MED12L: variants seen among roughly 807,000 people sequenced by gnomAD.
MED12L encodes mediator complex subunit 12L.
Under a neutral mutation model 281.3 loss-of-function variants are expected in MED12L, and 60 were observed. The observed-to-expected ratio is 0.21, with a 90% confidence interval of 0.17 to 0.26. The LOEUF (loss-of-function observed/expected upper bound fraction) is 0.26. Among genes scored for constraint, MED12L ranks in the 10% least tolerant of loss-of-function variants. The probability of loss-of-function intolerance (pLI) is 1.00; values close to 1 mark genes in which losing one functional copy is unlikely to be tolerated. For synonymous variants in MED12L, 974 were observed against 987.2 expected, an observed-to-expected ratio of 0.99 and a Z score of 0.25; for missense variants, 2,146 against 2,680.9, an observed-to-expected ratio of 0.80 and a Z score of 4.41.
At chr3:151,156,442 C>A in intron 6 of MED12L, 112 bp downstream of exon 6, 1 of 995,322 alleles carries the variant, frequency 1.0e-6, no homozygotes, top group Non-Finnish European at 1.4e-6. Context: ...CCAATACATT[C>A]AAAGAAAGCA....
At chr3:151,163,739 G>A (rs1720308485) in intron 8 of MED12L, among the ~76,000 whole-genome samples, 154 bp from the exon 9 acceptor site, 1 of 152,104 alleles carries the variant, frequency 6.6e-6, no homozygotes, top group Non-Finnish European at 1.5e-5. Context: ...CTTCTCAATT[G>A]CGAAGTTGAG....
At position 151,434,420 on chromosome 3, in the gene MED12L, C is replaced by T. The variant is rs1261638400; in HGVS notation, c.*1616C>T. 6.6e-6 allele frequency: 1 copy of T among 152,198 alleles called. No homozygotes were observed. Among genetic ancestry groups the T allele is most frequent in the Admixed American group, 6.5e-5 (1 of 15,276 alleles). The allele number at this position is 152,198 out of a possible 1,614,324, so 9.4% of individuals were successfully genotyped here. On this transcript the variant is annotated 3_prime_UTR_variant, in exon 45 of 45. Coordinates refer to ENST00000687756, the MANE Select transcript of MED12L (RefSeq NM_001393769.1). ...CTTTGTACACTGTGAAAATATTTCACTCCAGCCTGCCCATTTTGTGTTTAC... is the reference window on the plus strand; with the variant it reads ...CTTTGTACACTGTGAAAATATTTCATTCCAGCCTGCCCATTTTGTGTTTAC...
chr3:151,199,638 C>G (rs992488870), intron 16 of MED12L, among the ~76,000 whole-genome samples: 2 of 151,136 alleles, frequency 1.3e-5, no homozygotes, highest in Admixed American at 6.6e-5. Flanking sequence ...TTGTGACTTT[C>G]AGGAAATCCC....
rs370080415 is a variant in MED12L, at chr3:151,306,873, T to C, written c.2251-43186T>C. ...TGACTTAGTGTTTGGTAGTGGTGGT[T>C]CTCAAATGACAGAGTTATAATATCA... is the stretch of plus-strand genomic sequence containing the variant. On this transcript the variant is annotated intron_variant, in intron 16 of 44. Coordinates refer to ENST00000687756, the MANE Select transcript of MED12L (RefSeq NM_001393769.1). Among the ~76,000 whole-genome samples the C allele has an allele frequency of 6.5e-4, 99 of 152,332 alleles. 1 individual carries two copies. The highest frequency in any genetic ancestry group is 2.3e-3 in the African/African-American group (97 of 41,576).
At chr3:151,128,169 A>G (rs1443535977) in intron 5 of MED12L, among the ~76,000 whole-genome samples, 185 bp downstream of exon 5, 2 of 152,184 alleles carry the variant, frequency 1.3e-5, no homozygotes, top group South Asian at 4.1e-4. Flanking sequence ...TGACTCCATT[A>G]GCAAGGGCTG....
At position 151,376,841 on chromosome 3, in the gene MED12L, C is replaced by G; in HGVS notation, c.4095C>G (p.Leu1365=). ...QWTLRQSWLE[L]QLMIKQCLKD... is the part of the protein sequence containing the mutation. ...CACTGAGGCAATCCTGGTTAGAACT[C>G]CAGCTAATGATCAAACAGTGCTTGA... Residue 1365 remains leucine (L), a synonymous_variant, in exon 29 of 45, where the codon CTC becomes CTG. Coordinates refer to ENST00000687756, the MANE Select transcript of MED12L (RefSeq NM_001393769.1). The G allele has an allele frequency of 3.1e-6, 5 of 1,613,984 alleles. No homozygotes were observed. Among genetic ancestry groups the G allele is most frequent in the Non-Finnish European group, 4.2e-6 (5 of 1,179,948 alleles).
In MED12L at chr3:151,411,475, G is replaced by A. The variant is rs757492498; in HGVS notation, c.6108G>A (p.Ser2036=). Residue 2036 remains serine (S), a synonymous_variant, in exon 41 of 45, where the codon TCG becomes TCA. Transcript: ENST00000687756. ...GTGGCTATGTTCAGCAGCAGGCCTCGCCGTACCTGCAGCCCCTGACTGGCT... is the reference window on the plus strand; with the variant it reads ...GTGGCTATGTTCAGCAGCAGGCCTCACCGTACCTGCAGCCCCTGACTGGCT... ...QPSGYVQQQA[S]PYLQPLTGSQ... The A allele has an allele frequency of 1.2e-5, 19 of 1,614,188 alleles. No individual in the cohort carries two copies. Among genetic ancestry groups the A allele is most frequent in the African/African-American group, 4.0e-5 (3 of 75,044 alleles).
intron 25 of MED12L, among the ~76,000 whole-genome samples, chr3:151,368,683 TC>T (rs1755720374): frequency 0.012 from 566 of 47,996 alleles, 6 homozygotes; most frequent in Non-Finnish European, 0.016. Flanking sequence ...TCATGTCATT[TC>T]ATTTTATTTC....
intron 16 of MED12L, among the ~76,000 whole-genome samples, chr3:151,225,219 C>G (rs75166985): frequency 0.19 from 28,712 of 152,092 alleles, 3,004 homozygotes; most frequent in South Asian, 0.3. Flanking sequence ...TTGCTGTTCT[C>G]TCTCTGTAAT....
At chr3:151,133,480 T>C (rs1384502220) in intron 5 of MED12L, among the ~76,000 whole-genome samples, 1 of 152,170 alleles carries the variant, frequency 6.6e-6, no homozygotes, top group African/African-American at 2.4e-5. Flanking sequence ...CATGTGTAAC[T>C]TCAAAGTGGG....
chr3:151,384,714 G>A (rs1440169470), intron 35 of MED12L: 2 of 250,740 alleles, frequency 8.0e-6, no homozygotes, highest in East Asian at 2.1e-4. Context: ...CCCTGGACAT[G>A]AGAAAGTGTT....
At chr3:151,294,254 A>G (rs775412509) in intron 16 of MED12L, 1 of 1,613,884 alleles carries the variant, frequency 6.2e-7, no homozygotes, top group Non-Finnish European at 8.5e-7. Context: ...CCTGGTTCTG[A>G]TATTTGATTT....
In MED12L at chr3:151,361,826, C is replaced by G. The variant is rs562490658; in HGVS notation, c.2957+1221C>G. 7.2e-5 allele frequency among the ~76,000 whole-genome samples: 11 copies of G among 152,232 alleles called. No homozygotes were observed. The South Asian group carries it at 2.3e-3, about 32-fold the overall frequency. On this transcript the variant is annotated intron_variant, in intron 21 of 44. Coordinates refer to ENST00000687756, the MANE Select transcript of MED12L (RefSeq NM_001393769.1). ...TCTGCTTCCATGGCCATTCCTACTT[C>G]AAATAGCATCCCCAACTTCCTGTCA... is the stretch of plus-strand genomic sequence containing the variant.
At chr3:151,325,395 A>C (rs550741625) in intron 16 of MED12L, among the ~76,000 whole-genome samples, 1 of 152,280 alleles carries the variant, frequency 6.6e-6, no homozygotes, top group African/African-American at 2.4e-5. Flanking sequence ...CTGAGCTCAC[A>C]TATTCTATCA....
intron 5 of MED12L, among the ~76,000 whole-genome samples, chr3:151,134,195 T>G (rs563514693): frequency 3.9e-5 from 6 of 151,950 alleles, no homozygotes; most frequent in Admixed American, 3.9e-4. Context: ...GTTGTTTTTT[T>G]TTTTTTTTTG....
intron 16 of MED12L, among the ~76,000 whole-genome samples, chr3:151,237,350 CTTTT>C (rs57239604): frequency 1.1e-5 from 1 of 94,602 alleles, no homozygotes; most frequent in South Asian, 4.3e-4. Flanking sequence ...TTTTTTTTTT[CTTTT>C]TTTTTTTTTT....
chr3:151,359,721 A>G (rs779388562), intron 20 of MED12L, among the ~76,000 whole-genome samples: 9 of 152,138 alleles, frequency 5.9e-5, no homozygotes, highest in Non-Finnish European at 1.3e-4. Context: ...ATAATCTGTC[A>G]TCTGTGACTC....
chr3:151,369,612 T>A, intron 26 of MED12L, 63 bp downstream of exon 26: 2 of 1,099,860 alleles, frequency 1.8e-6, no homozygotes, highest in Non-Finnish European at 2.7e-6. Context: ...AAATAATTTA[T>A]TTTCAGGTTT....
At chr3:151,286,977 C>A (rs1329088498) in intron 16 of MED12L, among the ~76,000 whole-genome samples, 3 of 152,122 alleles carry the variant, frequency 2.0e-5, no homozygotes, top group Non-Finnish European at 2.9e-5. Context: ...AGCTTCAACC[C>A]AAGCCTTAGA....
Sources: gnomAD v4.1 joint callset for allele counts (sites outside exome capture counted in the v4.1 genomes callset) on GRCh38, gnomAD v4.1.1 for gene constraint, MANE v1.5 for transcripts, NCBI Gene and HGNC (gene_info 2026-07-23, HGNC 2026-07-21) for gene names.